COLEC12: variants seen among roughly 807,000 people sequenced by gnomAD.
The protein encoded by COLEC12 is collectin-12.
Under a neutral mutation model 71.1 loss-of-function variants are expected in COLEC12, and 33 were observed. That is an observed-to-expected ratio of 0.46 (90% CI 0.35 to 0.62). COLEC12 has a LOEUF of 0.62. Among genes scored for constraint, COLEC12 ranks in the 20% least tolerant of loss-of-function variants. The pLI is 0.00. For synonymous variants in COLEC12, 350 were observed against 353.0 expected (o/e 0.99, Z 0.10); for missense variants, 765 against 916.1 (o/e 0.84, Z 2.13).
Position 319,331 on chromosome 18 carries a change from A to ATATATATATATAT in COLEC12, c.*713_*714insATATATATATATA, listed in dbSNP as rs1431727726. The stretch of plus-strand genomic sequence containing the variant: ...GAGGAAATGAAACATTAAAAAAAAA[A>ATATATATATATAT]AAAAAAAAAAATATATATATATATA... On this transcript the variant is annotated 3_prime_UTR_variant, in exon 10 of 10. Transcript: ENST00000400256. The ATATATATATATAT allele has an allele frequency of 4.4e-4, 24 of 54,490 alleles. No homozygotes were observed. Among genetic ancestry groups the ATATATATATATAT allele is most frequent in the Non-Finnish European group, 7.3e-4 (17 of 23,388 alleles). 3.4% of individuals were successfully genotyped at this position (54,490 alleles called of 1,614,324 possible).
At chr18:474,954 G>A (rs1243893608) in intron 2 of COLEC12, among the ~76,000 whole-genome samples, 2 of 151,556 alleles carry the variant, frequency 1.3e-5, no homozygotes, top group Non-Finnish European at 1.5e-5. Flanking sequence ...GGCGCCTGTA[G>A]TCCCAGCTAC....
At chr18:397,432 A>T (rs1016699147) in intron 2 of COLEC12, among the ~76,000 whole-genome samples, 3 of 152,236 alleles carry the variant, frequency 2.0e-5, no homozygotes, top group Non-Finnish European at 4.4e-5. Flanking sequence ...AAGATATATG[A>T]TAACAATTAT....
intron 5 of COLEC12, among the ~76,000 whole-genome samples, chr18:341,709 T>C (rs1268125987): frequency 6.6e-6 from 1 of 152,206 alleles, no homozygotes; most frequent in Non-Finnish European, 1.5e-5. Context: ...AGACACTGCA[T>C]TAAGTACTTT....
At chr18:445,711 C>T (rs1157481902) in intron 2 of COLEC12, among the ~76,000 whole-genome samples, 1 of 150,636 alleles carries the variant, frequency 6.6e-6, no homozygotes, top group African/African-American at 2.4e-5. Flanking sequence ...TGGCTCACTG[C>T]AACCTTCGCC....
chr18:433,442 GAT>G (rs1567906581), intron 2 of COLEC12, among the ~76,000 whole-genome samples: 1 of 152,148 alleles, frequency 6.6e-6, no homozygotes, highest in Non-Finnish European at 1.5e-5. Context: ...AGAAACCTCA[GAT>G]AGTCTGAAGG....
At chr18:344,218 C>G (rs531439017) in intron 5 of COLEC12, among the ~76,000 whole-genome samples, 1 of 152,276 alleles carries the variant, frequency 6.6e-6, no homozygotes, top group East Asian at 1.9e-4. Context: ...CCCTCCAGAG[C>G]TGGGGCATCC....
chr18:479,550 T>TCTCA (rs1555622841), intron 2 of COLEC12, among the ~76,000 whole-genome samples: 2,238 of 149,358 alleles, frequency 0.015, 45 homozygotes, highest in Non-Finnish European at 0.015. Context: ...TCTCTCTCTC[T>TCTCA]CACACACACA....
chr18:493,307 C>A (rs1917652016), intron 1 of COLEC12, among the ~76,000 whole-genome samples: 1 of 152,160 alleles, frequency 6.6e-6, no homozygotes, highest in Admixed American at 6.5e-5. Context: ...CCTCAAGCAA[C>A]CCTCCCATCT....
chr18:387,154 C>A (rs1915363238), intron 2 of COLEC12, among the ~76,000 whole-genome samples: 1 of 152,196 alleles, frequency 6.6e-6, no homozygotes, highest in Non-Finnish European at 1.5e-5. Flanking sequence ...GTTGTCAGCA[C>A]AGCTACCTTT....
intron 1 of COLEC12, among the ~76,000 whole-genome samples, chr18:492,576 TAA>T (rs141185452): frequency 0.017 from 2,560 of 152,172 alleles, 81 homozygotes; most frequent in African/African-American, 0.059. Context: ...ATCATGTTAA[TAA>T]GAGAGTCAGA....
intron 2 of COLEC12, among the ~76,000 whole-genome samples, chr18:374,975 A>G (rs891276824): frequency 6.6e-5 from 10 of 152,256 alleles, no homozygotes; most frequent in African/African-American, 2.4e-4. Flanking sequence ...TGTTAAAATC[A>G]ACAAGTACAA....
At chr18:431,163 A>AT (rs879686531) in intron 2 of COLEC12, among the ~76,000 whole-genome samples, 5,440 of 141,950 alleles carry the variant, frequency 0.038, 316 homozygotes, top group African/African-American at 0.13. Context: ...CACTCAGCTA[A>AT]TTTTTTTTTT....
At chr18:343,178 G>T (rs1914295444) in intron 5 of COLEC12, among the ~76,000 whole-genome samples, 1 of 151,874 alleles carries the variant, frequency 6.6e-6, no homozygotes, top group South Asian at 2.1e-4. Context: ...AGTGCCTCTT[G>T]GCTGCCCCTT....
chr18:326,351 G>A (rs1202130542), intron 8 of COLEC12, among the ~76,000 whole-genome samples: 1 of 151,768 alleles, frequency 6.6e-6, no homozygotes, highest in Non-Finnish European at 1.5e-5. Flanking sequence ...GTTCCTTTTT[G>A]TTTTTGTTTT....
At chr18:462,344 G>A (rs989227907) in intron 2 of COLEC12, among the ~76,000 whole-genome samples, 10 of 152,104 alleles carry the variant, frequency 6.6e-5, no homozygotes, top group African/African-American at 1.2e-4. Context: ...ATATTATTCC[G>A]GATTTTTAAA....
chr18:354,720 G>C (rs1436489389), intron 3 of COLEC12, among the ~76,000 whole-genome samples: 4 of 152,088 alleles, frequency 2.6e-5, no homozygotes, highest in Admixed American at 2.6e-4. Flanking sequence ...TTCATTAATG[G>C]TGTGTTTGGA....
At position 457,112 on chromosome 18, in the gene COLEC12, C is replaced by T. The variant is rs114920333; in HGVS notation, c.58+23595G>A. 7.6e-3 allele frequency among the ~76,000 whole-genome samples: 1,157 copies of T among 152,310 alleles called. 20 individuals carry two copies. The highest frequency in any genetic ancestry group is 0.027 in the African/African-American group (1,105 of 41,578). ...GTAACTGCTCTTCCTCTTAATTAAT[C>T]TTAATTAGATTACATGTAACAGCAT... On this transcript the variant is annotated intron_variant, in intron 2 of 9. Transcript: ENST00000400256.
intron 2 of COLEC12, among the ~76,000 whole-genome samples, chr18:365,930 C>T (rs12457415): frequency 6.6e-6 from 1 of 151,902 alleles, no homozygotes; most frequent in African/African-American, 2.4e-5. Flanking sequence ...CTACTCCCCC[C>T]ACCCCAAGTT....
At chr18:396,678 A>G (rs988067614) in intron 2 of COLEC12, among the ~76,000 whole-genome samples, 2 of 152,268 alleles carry the variant, frequency 1.3e-5, no homozygotes, top group African/African-American at 4.8e-5. Context: ...CAGATGGACC[A>G]GCCCTTCTGG....
Sources: allele counts gnomAD v4.1 joint callset (sites outside exome capture counted in the v4.1 genomes callset), GRCh38; gene constraint gnomAD v4.1.1; transcripts MANE v1.5; gene names NCBI Gene and HGNC (gene_info 2026-07-23, HGNC 2026-07-21).